Variants in HUNK observed in about 807,000 individuals in gnomAD.
HUNK encodes hormonally up-regulated Neu-associated kinase.
In HUNK, 21 loss-of-function variants were observed where a neutral mutation model predicts 61.0. That is an observed-to-expected ratio of 0.34 (90% CI 0.24 to 0.50). The LOEUF (loss-of-function observed/expected upper bound fraction) is 0.50. Among genes scored for constraint, HUNK ranks in the 20% least tolerant of loss-of-function variants. The probability of loss-of-function intolerance (pLI) is 0.98; values close to 1 mark genes in which losing one functional copy is unlikely to be tolerated. For synonymous variants in HUNK, 371 were observed against 386.1 expected, an observed-to-expected ratio of 0.96 and a Z score of 0.46; for missense variants, 772 against 945.7, an observed-to-expected ratio of 0.82 and a Z score of 2.41.
chr21:31,879,980 C>T (rs769029537), intron 1 of HUNK, among the ~76,000 whole-genome samples: 7 of 152,290 alleles, frequency 4.6e-5, no homozygotes, highest in East Asian at 1.9e-4. Context: ...TTGAATTTCA[C>T]GCTTTCTGAT....
At chr21:31,887,618 T>C (rs1187744264) in intron 1 of HUNK, among the ~76,000 whole-genome samples, 1 of 152,214 alleles carries the variant, frequency 6.6e-6, no homozygotes, top group African/African-American at 2.4e-5. Flanking sequence ...CAGACGCTCT[T>C]GTATGTGACG....
chr21:31,924,285 T>TG lies in HUNK; in HGVS notation c.262-183_262-182insG, dbSNP rs60171170. 0.29 allele frequency among the ~76,000 whole-genome samples: 39,899 copies of TG among 136,354 alleles called. 5,522 individuals carry two copies. The highest frequency in any genetic ancestry group is 0.41 in the African/African-American group (14,550 of 35,402). The allele number at this position is 136,354 out of a possible 152,430, so 89.5% of individuals were successfully genotyped here. A position where few individuals can be genotyped will look rare whatever the true frequency, so the allele number is the denominator to read the frequency against. Reference sequence around the variant, plus strand: ...ACCTATATGTGTGTGTGTGTGTGTGTTTGTGTGGTATATGCATAAATATAA... The same window carrying TG: ...ACCTATATGTGTGTGTGTGTGTGTGTGTTGTGTGGTATATGCATAAATATAA... On this transcript the variant is annotated intron_variant, in intron 1 of 10. Coordinates refer to ENST00000270112, the MANE Select transcript of HUNK (RefSeq NM_014586.2). The surrounding 1 kb of genome is among the most constrained non-coding windows in gnomAD (Gnocchi z 5.1).
chr21:31,874,736 C>A (rs895341700), intron 1 of HUNK, among the ~76,000 whole-genome samples: 2 of 152,116 alleles, frequency 1.3e-5, no homozygotes, highest in Non-Finnish European at 2.9e-5. Context: ...TACCTCCCCC[C>A]AGAGACTGGG....
intron 7 of HUNK, 56 bp downstream of exon 7, chr21:31,974,773 A>G (rs2053037132): frequency 8.0e-6 from 12 of 1,494,054 alleles, no homozygotes; most frequent in South Asian, 1.3e-5. Context: ...AAGAGCTCCT[A>G]CACCCAAAGT....
chr21:31,892,148 T>TAAAA (rs748197431), intron 1 of HUNK, among the ~76,000 whole-genome samples: 16 of 93,030 alleles, frequency 1.7e-4, no homozygotes, highest in African/African-American at 6.4e-4. Flanking sequence ...AGAATTTGGT[T>TAAAA]AAAAAAAAAA....
chr21:31,968,104 C>A, intron 5 of HUNK, 146 bp from the exon 6 acceptor site: 1 of 930,218 alleles, frequency 1.1e-6, no homozygotes, highest in Non-Finnish European at 1.6e-6. Context: ...TGAATCGGAA[C>A]CCTGCCCAGA....
chr21:31,890,322 G>A (rs955611995), intron 1 of HUNK, among the ~76,000 whole-genome samples: 3 of 151,558 alleles, frequency 2.0e-5, no homozygotes, highest in East Asian at 3.9e-4. Flanking sequence ...TCTGTCTCCC[G>A]GGTTCAAGCG....
At chr21:31,912,601 G>C (rs2052554361) in intron 1 of HUNK, among the ~76,000 whole-genome samples, 1 of 152,096 alleles carries the variant, frequency 6.6e-6, no homozygotes, top group South Asian at 2.1e-4. Flanking sequence ...GAGTGCAGTG[G>C]TGTGATCACG....
chr21:31,980,523 C>G (rs1388232705), intron 7 of HUNK, among the ~76,000 whole-genome samples: 2 of 150,476 alleles, frequency 1.3e-5, no homozygotes, highest in South Asian at 2.1e-4. Context: ...ATTACAGACG[C>G]CTGCCTGCCA....
At chr21:31,958,444 G>A (rs374385666) in intron 4 of HUNK, among the ~76,000 whole-genome samples, 2 of 151,778 alleles carry the variant, frequency 1.3e-5, no homozygotes, top group African/African-American at 2.4e-5. Flanking sequence ...GATTACAGGC[G>A]CCCGCCACCA....
Position 32,003,803 on chromosome 21 carries a change from AG to A in HUNK, c.*4621del, listed in dbSNP as rs1298101482. 1 of 152,208 alleles carries A rather than the reference AG, an allele frequency of 6.6e-6. No homozygotes were observed. The highest frequency in any genetic ancestry group is 1.9e-4 in the East Asian group (1 of 5,194). The allele number at this position is 152,208 out of a possible 1,614,324, so 9.4% of individuals were successfully genotyped here. A position where few individuals can be genotyped will look rare whatever the true frequency, so the allele number is the denominator to read the frequency against. On this transcript the variant is annotated 3_prime_UTR_variant, in exon 11 of 11. Coordinates refer to ENST00000270112, the MANE Select transcript of HUNK (RefSeq NM_014586.2). ...GACGTCTGTGGGCACTAAGGGACTG[AG>A]GTTGGGGGAGAAAGCTGAGGAGGCT...
chr21:31,933,885 TC>T (rs763859506), intron 2 of HUNK, among the ~76,000 whole-genome samples: 14 of 151,696 alleles, frequency 9.2e-5, no homozygotes, highest in Admixed American at 7.2e-4. Context: ...CACTTCCCTC[TC>T]CCCTCCATGA....
intron 1 of HUNK, among the ~76,000 whole-genome samples, chr21:31,909,066 G>C (rs1296278411): frequency 6.6e-6 from 1 of 152,072 alleles, no homozygotes; most frequent in Non-Finnish European, 1.5e-5. Context: ...CCCGAGTTTT[G>C]TGCACTGTAA....
chr21:31,960,022 C>G (rs934579110), intron 5 of HUNK, among the ~76,000 whole-genome samples: 1 of 152,216 alleles, frequency 6.6e-6, no homozygotes, highest in Non-Finnish European at 1.5e-5. Context: ...AGAGTCATAA[C>G]TCTTGGAGTT....
At chr21:31,928,506 CCTCT>C (rs1029393491) in intron 2 of HUNK, among the ~76,000 whole-genome samples, 3 of 152,130 alleles carry the variant, frequency 2.0e-5, no homozygotes, top group African/African-American at 7.2e-5. Context: ...TCTACTTTTG[CCTCT>C]CTCTCCTCAG....
chr21:31,978,027 C>T (rs1031942277), intron 7 of HUNK, among the ~76,000 whole-genome samples: 2 of 152,188 alleles, frequency 1.3e-5, no homozygotes, highest in African/African-American at 4.8e-5. Flanking sequence ...CCTGAGGTGC[C>T]TGGGTGTGTT....
chr21:31,917,376 T>G (rs911627841), intron 1 of HUNK, among the ~76,000 whole-genome samples: 1 of 152,048 alleles, frequency 6.6e-6, no homozygotes, highest in Non-Finnish European at 1.5e-5. Context: ...TGAGATGAGG[T>G]TTCGCCATGT....
chr21:31,873,808 C>G lies in HUNK; in HGVS notation c.134C>G (p.Pro45Arg). 1 of 1,569,134 alleles carries G rather than the reference C, an allele frequency of 6.4e-7. No homozygotes were observed. Among genetic ancestry groups the G allele is most frequent in the Non-Finnish European group, 8.6e-7 (1 of 1,161,380 alleles). ...SFLPAWVSGV[P>R]RERLRDFQHH... ...CTGCCTGCCTGGGTGAGCGGCGTGCCCCGCGAGCGGCTCCGCGACTTCCAG... is the reference window on the plus strand; with the variant it reads ...CTGCCTGCCTGGGTGAGCGGCGTGCGCCGCGAGCGGCTCCGCGACTTCCAG... Residue 45 changes from proline (P) to arginine (R), a missense_variant, in exon 1 of 11, where the codon CCC (proline) becomes CGC (arginine). Physicochemically the swap from Pro to Arg is moderately radical, Grantham distance 103. Around this residue, in one of 2 missense-constraint regions of HUNK, gnomAD observed 359 missense variants for 501.3 expected, o/e 0.72. Transcript: ENST00000270112. This position sits in a 1 kb window ranked among gnomAD's most constrained non-coding sequence, Gnocchi z 6.1.
intron 2 of HUNK, among the ~76,000 whole-genome samples, chr21:31,925,115 G>A (rs556022047): frequency 3.3e-5 from 5 of 152,140 alleles, no homozygotes; most frequent in Admixed American, 6.6e-5. Context: ...GCCAGGCTGG[G>A]AATTTTTCTG....
Sources: allele counts gnomAD v4.1 joint callset (sites outside exome capture counted in the v4.1 genomes callset), GRCh38; gene constraint gnomAD v4.1.1; regional missense constraint gnomAD v4.1.1; non-coding constraint Gnocchi (gnomAD v3.1); transcripts MANE v1.5; gene names NCBI Gene and HGNC (gene_info 2026-07-23, HGNC 2026-07-21).